CSMD3: variants seen among roughly 807,000 people sequenced by gnomAD.
CSMD3 encodes the protein CUB and Sushi multiple domains 3, also known as CUB and sushi domain-containing protein 3.
A neutral mutation model predicts 435.2 loss-of-function variants in CSMD3; 177 were observed. That is an observed-to-expected ratio of 0.41 (90% CI 0.36 to 0.46). CSMD3 has a LOEUF of 0.46. Among genes scored for constraint, CSMD3 ranks in the 20% least tolerant of loss-of-function variants. The pLI is 0.34. For missense variants in CSMD3, 4,265 were observed against 4,504.6 expected (o/e 0.95, Z 1.52); for synonymous variants, 1,656 against 1,520.5 (o/e 1.09, Z -2.07).
At chr8:112,799,796 A>G (rs1474043289) in intron 13 of CSMD3, among the ~76,000 whole-genome samples, 1 of 151,926 alleles carries the variant, frequency 6.6e-6, no homozygotes, top group Non-Finnish European at 1.5e-5. Flanking sequence ...TCAGACCTTT[A>G]CTGTTATATT....
intron 59 of CSMD3, among the ~76,000 whole-genome samples, chr8:112,271,915 G>A (rs908456844): frequency 5.9e-5 from 9 of 152,146 alleles, no homozygotes; most frequent in African/African-American, 2.2e-4. Context: ...AGGGGCTTTG[G>A]GAAGTTATTA....
At chr8:112,345,409 A>G (rs891771209) in intron 41 of CSMD3, among the ~76,000 whole-genome samples, 4 of 151,784 alleles carry the variant, frequency 2.6e-5, no homozygotes, top group African/African-American at 9.7e-5. Context: ...ATTCAGCCAT[A>G]AAAAAAACAA....
At chr8:112,974,541 T>C (rs1246737030) in intron 7 of CSMD3, among the ~76,000 whole-genome samples, 1 of 151,832 alleles carries the variant, frequency 6.6e-6, no homozygotes, top group Non-Finnish European at 1.5e-5. Flanking sequence ...AAAAACTGTT[T>C]ACTTTATTGA....
intron 1 of CSMD3, among the ~76,000 whole-genome samples, chr8:113,390,028 AT>A (rs1411294325): frequency 6.6e-6 from 1 of 151,710 alleles, no homozygotes; most frequent in East Asian, 1.9e-4. Flanking sequence ...CATTGTGTGT[AT>A]TATTGCCCAG....
chr8:112,436,022 A>G (rs986322752), intron 32 of CSMD3, among the ~76,000 whole-genome samples: 12 of 152,018 alleles, frequency 7.9e-5, no homozygotes, highest in African/African-American at 2.9e-4. Flanking sequence ...TAAATCAGAC[A>G]TGACACACTC....
At chr8:113,228,213 C>T (rs2093048871) in intron 3 of CSMD3, among the ~76,000 whole-genome samples, 1 of 151,396 alleles carries the variant, frequency 6.6e-6, no homozygotes, top group Non-Finnish European at 1.5e-5. Flanking sequence ...TTTGATTTTG[C>T]CATCATATAT....
At chr8:112,892,860 C>T (rs73702250) in intron 10 of CSMD3, among the ~76,000 whole-genome samples, 1,555 of 151,394 alleles carry the variant, frequency 0.01, 34 homozygotes, top group African/African-American at 0.036. Context: ...CCTTAGAATG[C>T]GAGCTCTATA....
chr8:112,516,260 G>C lies in CSMD3; in HGVS notation c.4756+774C>G, dbSNP rs1823658273. The stretch of plus-strand genomic sequence containing the variant: ...GTTGCTTACAGTGTGGTAAGAGAGA[G>C]TATGTAAATAAATAAAATTTTCAGT... On this transcript the variant is annotated intron_variant, in intron 28 of 70. Coordinates refer to ENST00000297405, the MANE Select transcript of CSMD3 (RefSeq NM_198123.2). 2.0e-5 allele frequency among the ~76,000 whole-genome samples: 3 copies of C among 152,084 alleles called. No homozygotes were observed. In the South Asian group the frequency reaches 6.2e-4, roughly 32 times the overall value.
chr8:113,260,855 G>C (rs557071687), intron 3 of CSMD3, among the ~76,000 whole-genome samples: 2 of 152,232 alleles, frequency 1.3e-5, no homozygotes, highest in East Asian at 1.9e-4. Flanking sequence ...TTAGTTTGCT[G>C]AGAGTGATGG....
intron 23 of CSMD3, among the ~76,000 whole-genome samples, chr8:112,574,565 A>G (rs2131305938): frequency 6.6e-6 from 1 of 152,110 alleles, no homozygotes; most frequent in African/African-American, 2.4e-5. Context: ...AAAAGTGTGT[A>G]GTAATTAAAT....
intron 55 of CSMD3, among the ~76,000 whole-genome samples, chr8:112,292,090 A>G (rs1819821243): frequency 6.6e-6 from 1 of 152,072 alleles, no homozygotes; most frequent in Admixed American, 6.6e-5. Flanking sequence ...GTTCTCCTTA[A>G]TCTGTTTCTA....
intron 32 of CSMD3, among the ~76,000 whole-genome samples, chr8:112,419,259 G>A (rs1812227762): frequency 6.6e-6 from 1 of 152,114 alleles, no homozygotes. Context: ...CCATGCAGAA[G>A]CATGGCTCCA....
At chr8:112,447,283 GAAAAAT>G (rs1815714336) in intron 32 of CSMD3, among the ~76,000 whole-genome samples, 2 of 151,294 alleles carry the variant, frequency 1.3e-5, no homozygotes, top group African/African-American at 4.8e-5. Flanking sequence ...ATACATGTAA[GAAAAAT>G]AAAGAACAGA....
chr8:112,462,784 C>T (rs1454638403), intron 32 of CSMD3, among the ~76,000 whole-genome samples: 2 of 152,110 alleles, frequency 1.3e-5, no homozygotes, highest in African/African-American at 4.8e-5. Context: ...TCCTCCTTCC[C>T]CTCTGCCTCA....
At chr8:112,283,807 C>A (rs1818902489) in intron 58 of CSMD3, among the ~76,000 whole-genome samples, 1 of 151,568 alleles carries the variant, frequency 6.6e-6, no homozygotes, top group Non-Finnish European at 1.5e-5. Context: ...AGATAAATAT[C>A]TAAAATAATT....
intron 32 of CSMD3, among the ~76,000 whole-genome samples, chr8:112,469,228 T>C (rs1019332245): frequency 3.3e-5 from 5 of 150,508 alleles, no homozygotes; most frequent in Non-Finnish European, 4.4e-5. Flanking sequence ...GTAGTTCATG[T>C]GGAATTATCT....
chr8:112,496,188 C>A (rs986037839), intron 30 of CSMD3, among the ~76,000 whole-genome samples: 1 of 152,092 alleles, frequency 6.6e-6, no homozygotes, highest in Admixed American at 6.6e-5. Flanking sequence ...CCAGGATGGT[C>A]TTGATCTCCT....
At chr8:112,643,797 A>C (rs2131607267) in intron 20 of CSMD3, among the ~76,000 whole-genome samples, 1 of 152,202 alleles carries the variant, frequency 6.6e-6, no homozygotes, top group South Asian at 2.1e-4. Flanking sequence ...GCTTTTTCTC[A>C]GTAATATTTA....
intron 38 of CSMD3, among the ~76,000 whole-genome samples, chr8:112,355,269 C>A (rs2131079816): frequency 6.6e-6 from 1 of 152,234 alleles, no homozygotes; most frequent in Non-Finnish European, 1.5e-5. Flanking sequence ...CTAGGAAATG[C>A]CACTCTGGAC....
Sources: allele counts gnomAD v4.1 joint callset (sites outside exome capture counted in the v4.1 genomes callset), GRCh38; gene constraint gnomAD v4.1.1; transcripts MANE v1.5; gene names NCBI Gene and HGNC (gene_info 2026-07-23, HGNC 2026-07-21).